The following CSMD2 variants were observed in gnomAD, a reference collection of about 807,000 sequenced individuals.
CSMD2 encodes CUB and Sushi multiple domains 2.
In CSMD2, 130 loss-of-function variants were observed where a neutral mutation model predicts 398.5. The ratio of observed to expected loss-of-function variants is 0.33; its 90% CI spans 0.28 to 0.38. CSMD2 has a LOEUF of 0.38. CSMD2 is among the 10% of genes least tolerant of loss of function. The probability of loss-of-function intolerance (pLI) is 1.00; values close to 1 mark genes in which losing one functional copy is unlikely to be tolerated. For missense variants in CSMD2, 3,829 were observed against 4,764.9 expected (o/e 0.80, Z 5.78); for synonymous variants, 1,828 against 1,908.5 (o/e 0.96, Z 1.10).
At position 33,636,703 on chromosome 1, in the gene CSMD2, T is replaced by C; in HGVS notation, c.4775-149A>G. The C allele has an allele frequency of 4.8e-6, 3 of 620,210 alleles. No homozygotes were observed. The highest frequency in any genetic ancestry group is 5.6e-6 in the Non-Finnish European group (2 of 354,170). 38.4% of individuals were successfully genotyped at this position (620,210 alleles called of 1,614,324 possible). A position where few individuals can be genotyped will look rare whatever the true frequency, so the allele number is the denominator to read the frequency against. ...GACTGTGGCTCCTATTCCCCTCAGG[T>C]CTAGAAACGTCTCTAAATTTGGGTA... On this transcript the variant is annotated intron_variant, in intron 29 of 70. Coordinates refer to ENST00000373381, the MANE Select transcript of CSMD2 (RefSeq NM_001281956.2). This position sits in a 1 kb window ranked among gnomAD's most constrained non-coding sequence, Gnocchi z 4.8.
intron 4 of CSMD2, among the ~76,000 whole-genome samples, chr1:33,925,267 T>G (rs968532101): frequency 6.6e-6 from 1 of 152,194 alleles, no homozygotes; most frequent in Non-Finnish European, 1.5e-5. Flanking sequence ...TTTCTGCATA[T>G]GGTTATCCAG....
intron 6 of CSMD2, among the ~76,000 whole-genome samples, chr1:33,828,385 C>A (rs1659063167): frequency 6.6e-6 from 1 of 152,220 alleles, no homozygotes; most frequent in South Asian, 2.1e-4. Context: ...ACCCCAGCAT[C>A]AGGGCAGCAG....
Position 33,624,854 on chromosome 1 carries a change from G to C in CSMD2, c.5500+197C>G, listed in dbSNP as rs1642003716. ...CAGCTCCTCTCTCCACGTGTGCCCC[G>C]TCCCCAGTACACCGGCTGTCTTCAC... On this transcript the variant is annotated intron_variant, in intron 34 of 70. Coordinates refer to ENST00000373381, the MANE Select transcript of CSMD2 (RefSeq NM_001281956.2). The surrounding 1 kb of genome is among the most constrained non-coding windows in gnomAD (Gnocchi z 4.7). Among the ~76,000 whole-genome samples, 1 of 152,082 alleles carries C rather than the reference G, an allele frequency of 6.6e-6. No individual in the cohort carries two copies. Among genetic ancestry groups the C allele is most frequent in the Non-Finnish European group, 1.5e-5 (1 of 68,002 alleles).
intron 46 of CSMD2, among the ~76,000 whole-genome samples, chr1:33,585,295 G>A (rs541055434): frequency 1.3e-5 from 2 of 152,262 alleles, no homozygotes; most frequent in South Asian, 2.1e-4. Context: ...TTAATCCCAG[G>A]ATTACAATTT....
chr1:33,533,850 T>C lies in CSMD2; in HGVS notation c.9937A>G (p.Thr3313Ala). The C allele has an allele frequency of 6.2e-7, 1 of 1,614,136 alleles. No individual in the cohort carries two copies. Among genetic ancestry groups the C allele is most frequent in the Non-Finnish European group, 8.5e-7 (1 of 1,180,006 alleles). The change falls in exon 63 of 71, where the codon ACC becomes GCC. Residue 3313 changes from threonine to alanine, a missense_variant. Around this residue, in one of 5 missense-constraint regions of CSMD2, gnomAD observed 917 missense variants for 1,199.5 expected, o/e 0.76. Transcript: ENST00000373381. The surrounding 1 kb of genome is among the most constrained non-coding windows in gnomAD (Gnocchi z 4.2). ...QKGYLLQGSTTRTCLPNLTWS... is the reference protein window; with the variant it reads ...QKGYLLQGSTARTCLPNLTWS... ...GTCAGGTTTGGGAGGCAGGTCCTGG[T>C]GGTGGAGCCCTGAAGCAGGTAGCCT...
intron 5 of CSMD2, among the ~76,000 whole-genome samples, chr1:33,890,834 G>A (rs949086420): frequency 6.6e-6 from 1 of 152,062 alleles, no homozygotes; most frequent in Non-Finnish European, 1.5e-5. Context: ...GGGAAAACTG[G>A]CTAGCCATAT....
chr1:33,790,139 A>G (rs1325715740), intron 11 of CSMD2, among the ~76,000 whole-genome samples: 1 of 152,190 alleles, frequency 6.6e-6, no homozygotes, highest in African/African-American at 2.4e-5. Context: ...ATGGGTCAGT[A>G]AACTAGGGCA....
intron 21 of CSMD2, among the ~76,000 whole-genome samples, chr1:33,713,162 G>A (rs2149165147): frequency 6.6e-6 from 1 of 152,286 alleles, no homozygotes; most frequent in Non-Finnish European, 1.5e-5. Context: ...TTGCTGGCCT[G>A]CCTGAGATCT....
intron 6 of CSMD2, among the ~76,000 whole-genome samples, chr1:33,840,383 A>C (rs1340727208): frequency 6.6e-6 from 1 of 152,112 alleles, no homozygotes; most frequent in Non-Finnish European, 1.5e-5. Context: ...GACTTCACTC[A>C]AATGTTATTG....
intron 25 of CSMD2, among the ~76,000 whole-genome samples, chr1:33,665,691 T>C (rs181798215): frequency 5.9e-5 from 9 of 152,104 alleles, no homozygotes; most frequent in Non-Finnish European, 1.0e-4. Flanking sequence ...GCCTCCAAAA[T>C]TCCTGGGATT....
intron 52 of CSMD2, among the ~76,000 whole-genome samples, chr1:33,568,189 CTTT>C (rs370507143): frequency 2.1e-5 from 3 of 141,332 alleles, no homozygotes; most frequent in Non-Finnish European, 3.0e-5. Flanking sequence ...TCAGGAGCAT[CTTT>C]TTTTTTTTTT....
intron 21 of CSMD2, among the ~76,000 whole-genome samples, chr1:33,712,682 T>C (rs1646032657): frequency 6.6e-6 from 1 of 152,252 alleles, no homozygotes; most frequent in Non-Finnish European, 1.5e-5. Context: ...TGTGCATCTG[T>C]GGTCCTGGTT....
chr1:33,930,465 T>G (rs1570541926), intron 4 of CSMD2, among the ~76,000 whole-genome samples: 1 of 152,324 alleles, frequency 6.6e-6, no homozygotes, highest in East Asian at 1.9e-4. Context: ...AGTCCAAGCT[T>G]CTGCAGACCG....
At position 34,154,282 on chromosome 1, in the gene CSMD2, C is replaced by G. The variant is rs191722232; in HGVS notation, c.187+10629G>C. Among the ~76,000 whole-genome samples the G allele has an allele frequency of 7.4e-4, 112 of 152,250 alleles. 1 individual carries two copies. The highest frequency in any genetic ancestry group is 7.3e-3 in the South Asian group (35 of 4,818). ...GGGAAGACAGAAACTCTTGGGCACTCTTAGTGGAAATGTGACCTGGCACAC... is the reference window on the plus strand; with the variant it reads ...GGGAAGACAGAAACTCTTGGGCACTGTTAGTGGAAATGTGACCTGGCACAC... On this transcript the variant is annotated intron_variant, in intron 1 of 70. Transcript: ENST00000373381.
rs1268632068 is a variant in CSMD2 at position 33,962,384 on chromosome 1, AAGCATGTGC to A, written c.518-26439_518-26431del. On this transcript the variant is annotated intron_variant, in intron 3 of 70. Transcript: ENST00000373381. ...GCCACAGAAAGACTTCATTTGAGTA[AAGCATGTGC>A]AGCATCTGTGCAAACACACATGCTC... is the stretch of plus-strand genomic sequence containing the variant. Among the ~76,000 whole-genome samples the A allele has an allele frequency of 3.3e-5, 5 of 152,270 alleles. No individual in the cohort carries two copies. The East Asian group carries it at 9.7e-4, about 29-fold the overall frequency.
chr1:34,128,011 C>T (rs751687125), intron 1 of CSMD2, among the ~76,000 whole-genome samples: 1 of 152,070 alleles, frequency 6.6e-6, no homozygotes, highest in South Asian at 2.1e-4. Context: ...TCCATTTGCC[C>T]CTTGGCTGCA....
chr1:33,718,494 T>C (rs2149182073), intron 19 of CSMD2, among the ~76,000 whole-genome samples: 1 of 152,300 alleles, frequency 6.6e-6, no homozygotes, highest in Non-Finnish European at 1.5e-5. Context: ...ATTGGGACTA[T>C]GTGTTGTGGA....
At chr1:33,830,453 G>C (rs1469331256) in intron 6 of CSMD2, among the ~76,000 whole-genome samples, 1 of 152,226 alleles carries the variant, frequency 6.6e-6, no homozygotes. Context: ...TGAGGGTCCT[G>C]TCTGTTAGAA....
At chr1:33,769,033 G>T (rs1466436092) in intron 13 of CSMD2, among the ~76,000 whole-genome samples, 3 of 152,134 alleles carry the variant, frequency 2.0e-5, no homozygotes, top group Non-Finnish European at 4.4e-5. Flanking sequence ...ATTGATAATT[G>T]GTTTCCTGGC....
Sources: gnomAD v4.1 joint callset for allele counts (sites outside exome capture counted in the v4.1 genomes callset) on GRCh38, gnomAD v4.1.1 for gene constraint, gnomAD v4.1.1 regional missense constraint, Gnocchi (gnomAD v3.1) non-coding constraint, MANE v1.5 for transcripts, NCBI Gene and HGNC (gene_info 2026-07-23, HGNC 2026-07-21) for gene names.